The following COL9A3 variants were observed in gnomAD, a reference collection of about 807,000 sequenced individuals.
COL9A3 encodes collagen alpha-3(IX) chain.
In COL9A3, 82 loss-of-function variants were observed where a neutral mutation model predicts 110.2. That is an observed-to-expected ratio of 0.74 (90% CI 0.62 to 0.89). COL9A3 has a LOEUF of 0.89. COL9A3 is among the 40% of genes least tolerant of loss of function. COL9A3 has a pLI of 0.00. For missense variants in COL9A3, 1,066 were observed against 981.3 expected, an observed-to-expected ratio of 1.09 and a Z score of -1.15; for synonymous variants, 494 against 403.8, an observed-to-expected ratio of 1.22 and a Z score of -2.68.
Position 62,834,421 on chromosome 20 carries a change from G to C in COL9A3, c.1368+1357G>C, listed in dbSNP as rs74558311. Among the ~76,000 whole-genome samples, 1,454 of 152,324 alleles carry C rather than the reference G, an allele frequency of 9.5e-3. 26 individuals carry two copies. The highest frequency in any genetic ancestry group is 0.031 in the African/African-American group (1,284 of 41,564). On this transcript the variant is annotated intron_variant, in intron 26 of 31. Transcript: ENST00000649368. ...CTTGATAGGCACATTTCTCCTTCTG[G>C]AGGTAACAAATGGAGCAGTCGTGAG...
chr20:62,836,031 C>A, intron 27 of COL9A3, 78 bp downstream of exon 27: 2 of 1,608,440 alleles, frequency 1.2e-6, no homozygotes, highest in South Asian at 1.1e-5. Flanking sequence ...GGCAACCAGG[C>A]AGCCCTGCAG....
At chr20:62,819,189 G>A (rs372141089) in intron 3 of COL9A3, 33 bp from the exon 4 acceptor site, 61 of 1,604,418 alleles carry the variant, frequency 3.8e-5, no homozygotes, top group South Asian at 4.4e-5. Flanking sequence ...GCCAGACCCC[G>A]CCTTCACATC....
intron 31 of COL9A3, among the ~76,000 whole-genome samples, chr20:62,839,216 G>C (rs1240833783): frequency 6.7e-6 from 1 of 148,924 alleles, no homozygotes; most frequent in Non-Finnish European, 1.5e-5. Flanking sequence ...TGGCGACAGA[G>C]CGAGACTCCA....
At chr20:62,829,154 G>T (rs1252305135) in intron 19 of COL9A3, among the ~76,000 whole-genome samples, 178 bp downstream of exon 19, 3 of 152,216 alleles carry the variant, frequency 2.0e-5, no homozygotes, top group African/African-American at 7.2e-5. Context: ...GTGGACGGTT[G>T]CCTGTATGTT....
At chr20:62,820,121 C>T in intron 5 of COL9A3, 139 bp downstream of exon 5, 1 of 1,004,120 alleles carries the variant, frequency 1.0e-6, no homozygotes, top group Non-Finnish European at 1.5e-6. Context: ...GGTGGAGGGG[C>T]AGAAGGGCAG....
At position 62,832,134 on chromosome 20, in the gene COL9A3, A is replaced by G; in HGVS notation, c.1288-20A>G. ...GATTCCTGCCATTCCTCTAATCCAG[A>G]GCCTTCTCTCCACATCCAGGGTCCG... On this transcript the variant is annotated intron_variant, in intron 24 of 31. Transcript: ENST00000649368. The G allele has an allele frequency of 6.2e-7, 1 of 1,611,754 alleles. No homozygotes were observed. The highest frequency in any genetic ancestry group is 2.2e-5 in the East Asian group (1 of 44,880).
At chr20:62,827,339 A>G (rs1275618919) in intron 16 of COL9A3, 45 bp downstream of exon 16, 1 of 1,595,476 alleles carries the variant, frequency 6.3e-7, no homozygotes, top group East Asian at 2.2e-5. Context: ...ATGTGGAAGA[A>G]CCCAATTTCC....
At position 62,820,002 on chromosome 20, in the gene COL9A3, C is replaced by G. The variant is rs774692155; in HGVS notation, c.309+20C>G. 12 of 1,612,386 alleles carry G rather than the reference C, an allele frequency of 7.4e-6. No individual in the cohort carries two copies. The highest frequency in any genetic ancestry group is 1.3e-5 in the African/African-American group (1 of 74,904). On this transcript the variant is annotated intron_variant, in intron 5 of 31. Coordinates refer to ENST00000649368, the MANE Select transcript of COL9A3 (RefSeq NM_001853.4). ...GAACGGGTAAGTGCCTGCGCCGAAC[C>G]CAGTGGCTTGGGTTCAGAGGTGAGG...
Position 62,818,633 on chromosome 20 carries a change from A to C in COL9A3, c.183+80A>C, listed in dbSNP as rs879578267. On this transcript the variant is annotated intron_variant, in intron 3 of 31. Transcript: ENST00000649368. The stretch of plus-strand genomic sequence containing the variant: ...AACTCAGAACAGAGGGGTCATTGAT[A>C]TCCTGTCTCATCCTGCCGGAGCCCG... The C allele has an allele frequency of 6.4e-6, 9 of 1,401,342 alleles. No homozygotes were observed. In the East Asian group the frequency reaches 2.1e-4, roughly 32 times the overall value. The allele number at this position is 1,401,342 out of a possible 1,614,324, so 86.8% of individuals were successfully genotyped here.
chr20:62,817,819 G>T, intron 2 of COL9A3, 184 bp downstream of exon 2: 1 of 671,908 alleles, frequency 1.5e-6, no homozygotes. Context: ...CTGGTGGGTA[G>T]GGGTGGAGGG....
chr20:62,827,209 A>G, intron 15 of COL9A3, 32 bp from the exon 16 acceptor site: 2 of 1,612,342 alleles, frequency 1.2e-6, no homozygotes, highest in Non-Finnish European at 1.7e-6. Flanking sequence ...CATGGTGTTA[A>G]CTCTGTCCCT....
intron 29 of COL9A3, chr20:62,836,750 A>T (rs2147228865): frequency 3.2e-6 from 2 of 631,292 alleles, no homozygotes; most frequent in Non-Finnish European, 5.5e-6. Context: ...GGATTCAACC[A>T]GATTCCCAGC....
chr20:62,816,984 A>C (rs1469801092), upstream of COL9A3: 28 of 745,226 alleles, frequency 3.8e-5, no homozygotes, highest in African/African-American at 7.7e-5. Flanking sequence ...GGGAAGGGGA[A>C]GGGGAAGGGG....
Position 62,830,523 on chromosome 20 carries a change from A to C in COL9A3, c.1222A>C (p.Lys408Gln), listed in dbSNP as rs2063587121. The change falls in exon 24 of 32, where the codon AAG becomes CAG. Residue 408 changes from lysine to glutamine, a missense_variant. Coordinates refer to ENST00000649368, the MANE Select transcript of COL9A3 (RefSeq NM_001853.4). ...APGVRGFQGQ[K>Q]GSMGDPGLPG... ...CCAGGACCTCCTTCCCCAGGGCCAG[A>C]AGGGCAGCATGGGAGACCCCGGCCT... 1 of 1,608,624 alleles carries C rather than the reference A, an allele frequency of 6.2e-7. No individual in the cohort carries two copies.
Position 62,840,768 on chromosome 20 carries a change from G to A in COL9A3, c.*36G>A, listed in dbSNP as rs1048109. 0.082 allele frequency: 127,777 copies of A among 1,549,516 alleles called. 6,267 individuals carry two copies. The highest frequency in any genetic ancestry group is 0.2 in the African/African-American group (14,384 of 73,054). ...GAGGAAGCAAGTGACAAGGACGCCC[G>A]AAGCACAGTGGACGGTCATGAAGGA... On this transcript the variant is annotated 3_prime_UTR_variant, in exon 32 of 32. Transcript: ENST00000649368.
At chr20:62,827,663 C>A (rs1371197131) in intron 16 of COL9A3, among the ~76,000 whole-genome samples, 3 of 152,212 alleles carry the variant, frequency 2.0e-5, no homozygotes, top group Non-Finnish European at 2.9e-5. Flanking sequence ...AAGTGACCGT[C>A]CCCAGACTGG....
At chr20:62,828,308 C>T (rs1039641623) in intron 17 of COL9A3, among the ~76,000 whole-genome samples, 2 of 152,236 alleles carry the variant, frequency 1.3e-5, no homozygotes, top group African/African-American at 2.4e-5. Flanking sequence ...TGCCCACCCT[C>T]AGCCCAGACC....
At chr20:62,836,103 C>T (rs1310287645) in intron 27 of COL9A3, 84 bp from the exon 28 acceptor site, 1 of 1,603,846 alleles carries the variant, frequency 6.2e-7, no homozygotes, top group African/African-American at 1.3e-5. Flanking sequence ...CAAGACGGCT[C>T]CGTGCCGGCT....
chr20:62,832,299 C>A, intron 25 of COL9A3, 110 bp downstream of exon 25: 2 of 1,045,582 alleles, frequency 1.9e-6, no homozygotes, highest in Non-Finnish European at 2.9e-6. Context: ...GGACACTGAG[C>A]CTCCTTTCTC....
Sources: allele counts gnomAD v4.1 joint callset (sites outside exome capture counted in the v4.1 genomes callset), GRCh38; gene constraint gnomAD v4.1.1; transcripts MANE v1.5; gene names NCBI Gene and HGNC (gene_info 2026-07-23, HGNC 2026-07-21).